Variants in MDGA2 observed in about 807,000 individuals in gnomAD.
MDGA2 encodes the protein MAM domain-containing glycosylphosphatidylinositol anchor protein 2.
MDGA2 carries 40 observed loss-of-function variants against 117.8 expected under a neutral mutation model. The observed-to-expected ratio is 0.34, with a 90% confidence interval of 0.26 to 0.44. The LOEUF is 0.44. MDGA2 is among the 20% of genes least tolerant of loss of function. The pLI is 1.00. For missense variants in MDGA2, 1,123 were observed against 1,250.6 expected, an observed-to-expected ratio of 0.90 and a Z score of 1.54; for synonymous variants, 452 against 439.0, an observed-to-expected ratio of 1.03 and a Z score of -0.37.
At chr14:47,122,658 C>A (rs1211574202) in intron 5 of MDGA2, among the ~76,000 whole-genome samples, 1 of 152,018 alleles carries the variant, frequency 6.6e-6, no homozygotes, top group Non-Finnish European at 1.5e-5. Flanking sequence ...CTATTCTAAG[C>A]CACAAGTTAT....
intron 14 of MDGA2, among the ~76,000 whole-genome samples, chr14:46,865,606 T>G (rs1881721967): frequency 6.6e-6 from 1 of 152,028 alleles, no homozygotes; most frequent in South Asian, 2.1e-4. Context: ...AAATTGTCCC[T>G]GTTTGCAGAC....
At chr14:47,198,469 G>A (rs971297796) in intron 3 of MDGA2, among the ~76,000 whole-genome samples, 1 of 152,194 alleles carries the variant, frequency 6.6e-6, no homozygotes, top group African/African-American at 2.4e-5. Flanking sequence ...CTACTCGGGA[G>A]GCTGAGGCAG....
chr14:47,174,702 A>C (rs1884353422), intron 3 of MDGA2, among the ~76,000 whole-genome samples: 1 of 152,204 alleles, frequency 6.6e-6, no homozygotes, highest in Admixed American at 6.5e-5. Flanking sequence ...AGCAGGAAAG[A>C]TACAAAATTG....
intron 3 of MDGA2, among the ~76,000 whole-genome samples, chr14:47,152,359 C>CAA (rs1883195322): frequency 6.6e-6 from 1 of 152,160 alleles, no homozygotes; most frequent in Admixed American, 6.5e-5. Flanking sequence ...ACATGGTGTA[C>CAA]AAATAATCAA....
intron 8 of MDGA2, among the ~76,000 whole-genome samples, chr14:47,009,981 T>A (rs1887841376): frequency 6.6e-6 from 1 of 151,996 alleles, no homozygotes; most frequent in African/African-American, 2.4e-5. Context: ...TCCCAACCTA[T>A]TAAGTCTGAT....
chr14:47,186,447 T>C (rs1884914548), intron 3 of MDGA2, among the ~76,000 whole-genome samples: 1 of 151,874 alleles, frequency 6.6e-6, no homozygotes, highest in South Asian at 2.1e-4. Flanking sequence ...TATTTTCAAA[T>C]AATCACAAAT....
intron 14 of MDGA2, among the ~76,000 whole-genome samples, chr14:46,859,286 C>T (rs1029487838): frequency 3.3e-5 from 5 of 152,162 alleles, no homozygotes; most frequent in Non-Finnish European, 2.9e-5. Flanking sequence ...TCCTTGCTCT[C>T]CCCACCTTTG....
At chr14:47,213,724 GTTC>G (rs1420738949) in intron 3 of MDGA2, among the ~76,000 whole-genome samples, 4 of 151,964 alleles carry the variant, frequency 2.6e-5, no homozygotes, top group African/African-American at 9.7e-5. Context: ...GTGTTTTCCT[GTTC>G]TTGTTTCATG....
intron 1 of MDGA2, among the ~76,000 whole-genome samples, chr14:47,506,089 A>C (rs1391660626): frequency 2.0e-5 from 3 of 152,142 alleles, no homozygotes; most frequent in African/African-American, 7.2e-5. Flanking sequence ...AAGAGCTATG[A>C]GAGTTCAGTA....
At chr14:47,147,279 A>G (rs1489852337) in intron 3 of MDGA2, among the ~76,000 whole-genome samples, 1 of 151,938 alleles carries the variant, frequency 6.6e-6, no homozygotes, top group African/African-American at 2.4e-5. Flanking sequence ...TTTGTATTTG[A>G]TTTAGGACAG....
intron 1 of MDGA2, among the ~76,000 whole-genome samples, chr14:47,535,891 G>T (rs1440294648): frequency 1.3e-5 from 2 of 152,230 alleles, no homozygotes; most frequent in Non-Finnish European, 2.9e-5. Flanking sequence ...ATGACTGCCA[G>T]TCGGCTGGGG....
At chr14:47,572,321 AC>A in intron 1 of MDGA2, among the ~76,000 whole-genome samples, 1 of 152,292 alleles carries the variant, frequency 6.6e-6, no homozygotes, top group Non-Finnish European at 1.5e-5. Flanking sequence ...CCCCACACAA[AC>A]TTTATCTAAA....
intron 1 of MDGA2, among the ~76,000 whole-genome samples, chr14:47,501,333 C>A (rs953083308): frequency 6.6e-6 from 1 of 152,206 alleles, no homozygotes; most frequent in South Asian, 2.1e-4. Flanking sequence ...AAAAAGACAT[C>A]ACAAATAAAT....
chr14:47,109,285 T>A (rs1471650628), intron 5 of MDGA2, among the ~76,000 whole-genome samples: 1 of 152,200 alleles, frequency 6.6e-6, no homozygotes, highest in East Asian at 1.9e-4. Flanking sequence ...TCTCTTCCAG[T>A]GCTTGTCCAC....
chr14:47,109,598 A>T (rs1029078515), intron 5 of MDGA2, among the ~76,000 whole-genome samples: 3 of 152,224 alleles, frequency 2.0e-5, no homozygotes, highest in Non-Finnish European at 2.9e-5. Flanking sequence ...TTGAATTTAA[A>T]AATTATTAAA....
At chr14:47,588,422 A>G (rs927523570) in intron 1 of MDGA2, among the ~76,000 whole-genome samples, 2 of 151,690 alleles carry the variant, frequency 1.3e-5, no homozygotes, top group Non-Finnish European at 2.9e-5. Context: ...CAACATTGCT[A>G]TTGTTCATCA....
chr14:47,040,832 T>C (rs1889039707), intron 7 of MDGA2, among the ~76,000 whole-genome samples: 1 of 152,234 alleles, frequency 6.6e-6, no homozygotes, highest in Non-Finnish European at 1.5e-5. Context: ...TTTATATCCC[T>C]GACCAGGCAG....
At chr14:47,331,528 C>A (rs1385772406) in intron 1 of MDGA2, among the ~76,000 whole-genome samples, 1 of 151,870 alleles carries the variant, frequency 6.6e-6, no homozygotes, top group Non-Finnish European at 1.5e-5. Flanking sequence ...TCTGTTGACG[C>A]AGATTCTTTA....
At chr14:47,431,493 G>T (rs1171801995) in intron 1 of MDGA2, among the ~76,000 whole-genome samples, 1 of 151,886 alleles carries the variant, frequency 6.6e-6, no homozygotes, top group Non-Finnish European at 1.5e-5. Context: ...CACACAAAAA[G>T]AATTTGTTAA....
Sources: allele counts gnomAD v4.1 joint callset (sites outside exome capture counted in the v4.1 genomes callset), GRCh38; gene constraint gnomAD v4.1.1; transcripts MANE v1.5; gene names NCBI Gene and HGNC (gene_info 2026-07-23, HGNC 2026-07-21).